Variants in ASH1L observed in about 807,000 individuals in gnomAD.
ASH1L encodes the protein histone-lysine N-methyltransferase ASH1L.
A neutral mutation model predicts 269.0 loss-of-function variants in ASH1L; 23 were observed. The observed-to-expected ratio is 0.09, with a 90% confidence interval of 0.06 to 0.12. The LOEUF (loss-of-function observed/expected upper bound fraction) is 0.12. ASH1L is among the 10% of genes least tolerant of loss of function. ASH1L has a pLI of 1.00. For synonymous variants in ASH1L, 1,187 were observed against 1,253.5 expected (o/e 0.95, Z 1.12); for missense variants, 2,912 against 3,567.8 (o/e 0.82, Z 4.68).
rs1381244571 is a variant in ASH1L, at chr1:155,352,290, T to G, written c.7366+416A>C. 4.3e-5 allele frequency among the ~76,000 whole-genome samples: 4 copies of G among 92,262 alleles called. No homozygotes were observed. The East Asian group carries it at 1.4e-3, about 33-fold the overall frequency. The allele number at this position is 92,262 out of a possible 152,430, so 60.5% of individuals were successfully genotyped here. On this transcript the variant is annotated intron_variant, in intron 17 of 27. Coordinates refer to ENST00000392403, the MANE Select transcript of ASH1L (RefSeq NM_018489.3). ...CCAGCCTGGGCAACATAGCGAGACC[T>G]CCATCTCAAAAAAAAAAAAAAAAAA...
chr1:155,434,829 C>T (rs187677605), intron 5 of ASH1L, among the ~76,000 whole-genome samples: 1 of 149,972 alleles, frequency 6.7e-6, no homozygotes, highest in African/African-American at 2.5e-5. Flanking sequence ...CCAGCCTGGG[C>T]GACAGAGCGA....
At position 155,479,908 on chromosome 1, in the gene ASH1L, T is replaced by C. The variant is rs1415457603; in HGVS notation, c.2962A>G (p.Lys988Glu). Residue 988 changes from lysine (K) to glutamate (E), a missense_variant, in exon 3 of 28, where the codon AAA (lysine) becomes GAA (glutamate). By Grantham distance (56) the Lys-to-Glu change is moderately conservative. Around this residue, in one of 13 missense-constraint regions of ASH1L, gnomAD observed 715 missense variants for 721.0 expected, o/e 0.99. Coordinates refer to ENST00000392403, the MANE Select transcript of ASH1L (RefSeq NM_018489.3). ...TTCTTTCTCTTTAAAGTCTTCATTTTATTTATTTTGCGGATAATTGTTTTC... is the reference window on the plus strand; with the variant it reads ...TTCTTTCTCTTTAAAGTCTTCATTTCATTTATTTTGCGGATAATTGTTTTC... ...LMKTIIRKIN[K>E]MKTLKRKKLL... The C allele has an allele frequency of 6.2e-7, 1 of 1,613,512 alleles. No individual in the cohort carries two copies.
intron 2 of ASH1L, among the ~76,000 whole-genome samples, chr1:155,490,864 G>T (rs905436758): frequency 2.0e-5 from 3 of 151,454 alleles, no homozygotes; most frequent in Admixed American, 1.3e-4. Context: ...ATGGGAGGCT[G>T]AAGTGGAGAA....
At chr1:155,531,232 C>T (rs539839830) in intron 1 of ASH1L, among the ~76,000 whole-genome samples, 8 of 151,662 alleles carry the variant, frequency 5.3e-5, no homozygotes, top group Non-Finnish European at 1.2e-4. Flanking sequence ...CTTTTATATT[C>T]ATTACTCACA....
chr1:155,357,179 A>G (rs1654492903), intron 15 of ASH1L, 137 bp downstream of exon 15: 1 of 397,262 alleles, frequency 2.5e-6, no homozygotes, highest in Non-Finnish European at 4.6e-6. Flanking sequence ...TCTTCCATCC[A>G]GGTTCATAGA....
At chr1:155,509,851 A>G (rs1408744416) in intron 2 of ASH1L, among the ~76,000 whole-genome samples, 1 of 152,158 alleles carries the variant, frequency 6.6e-6, no homozygotes, top group Non-Finnish European at 1.5e-5. Flanking sequence ...AGCCATTTGG[A>G]AAGAGATAAA....
Position 155,480,943 on chromosome 1 carries a change from T to A in ASH1L, c.1927A>T (p.Ile643Phe). Residue 643 changes from isoleucine to phenylalanine, a missense_variant, in exon 3 of 28, where the codon ATT (isoleucine) becomes TTT (phenylalanine). Physicochemically the swap from Ile to Phe is conservative, Grantham distance 21. Coordinates refer to ENST00000392403, the MANE Select transcript of ASH1L (RefSeq NM_018489.3). ...VNDSKTTHID[I>F]PRISSSLGKK... ...CCAAGGGAAGAGCTTATTCTTGGAA[T>A]ATCTATATGGGTAGTTTTTGAATCA... 1 of 1,614,070 alleles carries A rather than the reference T, an allele frequency of 6.2e-7. No homozygotes were observed. Among genetic ancestry groups the A allele is most frequent in the South Asian group, 1.1e-5 (1 of 91,062 alleles).
chr1:155,528,905 T>C (rs900787577), intron 1 of ASH1L, among the ~76,000 whole-genome samples: 3 of 152,086 alleles, frequency 2.0e-5, no homozygotes, highest in East Asian at 1.9e-4. Context: ...TATGTGTCCA[T>C]GTGTTGTCAT....
At chr1:155,393,459 T>G (rs1456602800) in intron 7 of ASH1L, among the ~76,000 whole-genome samples, 9 of 152,196 alleles carry the variant, frequency 5.9e-5, no homozygotes, top group Non-Finnish European at 2.9e-5. Context: ...TTTCATACTA[T>G]GTGTTTAATG....
At chr1:155,427,817 G>A (rs1465751863) in intron 5 of ASH1L, among the ~76,000 whole-genome samples, 1 of 152,170 alleles carries the variant, frequency 6.6e-6, no homozygotes, top group Non-Finnish European at 1.5e-5. Context: ...GAGACCTGGT[G>A]GGAGGTGACT....
intron 15 of ASH1L, 96 bp downstream of exon 15, chr1:155,357,220 A>C: frequency 1.0e-6 from 1 of 960,084 alleles, no homozygotes; most frequent in South Asian, 1.6e-5. Context: ...AAGACAAAAG[A>C]AAGTGGATCA....
At chr1:155,551,845 G>A (rs752242245) in intron 1 of ASH1L, among the ~76,000 whole-genome samples, 20 of 150,858 alleles carry the variant, frequency 1.3e-4, no homozygotes, top group East Asian at 3.9e-4. Flanking sequence ...GCGTGGTGGC[G>A]GGCGCCTGTA....
In ASH1L at chr1:155,562,517, C is replaced by T; in HGVS notation, c.-464G>A. On this transcript the variant is annotated 5_prime_UTR_variant, in exon 1 of 28. Transcript: ENST00000392403. ...GGAGCGAAGGGCGCCTAGCGCCCCCCTCAACCTTCCACTCCTTCCTCCTTG... is the reference window on the plus strand; with the variant it reads ...GGAGCGAAGGGCGCCTAGCGCCCCCTTCAACCTTCCACTCCTTCCTCCTTG... 1 of 1,515,400 alleles carries T rather than the reference C, an allele frequency of 6.6e-7. No individual in the cohort carries two copies. Among genetic ancestry groups the T allele is most frequent in the Non-Finnish European group, 8.9e-7 (1 of 1,126,196 alleles). The allele number at this position is 1,515,400 out of a possible 1,614,324, so 93.9% of individuals were successfully genotyped here. A position where few individuals can be genotyped will look rare whatever the true frequency, so the allele number is the denominator to read the frequency against.
chr1:155,380,938 C>A (rs187411621), intron 7 of ASH1L, among the ~76,000 whole-genome samples: 63 of 151,924 alleles, frequency 4.1e-4, no homozygotes, highest in African/African-American at 1.5e-3. Flanking sequence ...CCGCACCTGG[C>A]CAAAAGAATG....
chr1:155,480,314 A>G lies in ASH1L; in HGVS notation c.2556T>C (p.Ser852=). ...PPKRTLKIPA[S]KVFSLQSKEE... is the part of the protein sequence containing the mutation. ...CCTTAGACTGTAAAGAAAACACTTT[A>G]GAAGCAGGGATTTTTAAAGTCCTTT... Residue 852 remains serine, a synonymous_variant, in exon 3 of 28, where the codon TCT becomes TCC. Coordinates refer to ENST00000392403, the MANE Select transcript of ASH1L (RefSeq NM_018489.3). The G allele has an allele frequency of 1.2e-6, 2 of 1,613,988 alleles. No homozygotes were observed. Among genetic ancestry groups the G allele is most frequent in the African/African-American group, 2.7e-5 (2 of 75,034 alleles).
chr1:155,506,565 C>T (rs1005918416), intron 2 of ASH1L, among the ~76,000 whole-genome samples: 29 of 151,774 alleles, frequency 1.9e-4, no homozygotes, highest in African/African-American at 5.6e-4. Context: ...GGCATGGTGG[C>T]GTGTGCCTGT....
chr1:155,504,353 T>C (rs1667688495), intron 2 of ASH1L, among the ~76,000 whole-genome samples: 2 of 152,142 alleles, frequency 1.3e-5, no homozygotes, highest in South Asian at 4.1e-4. Flanking sequence ...TTCCTAATAG[T>C]GGCAACTATT....
intron 2 of ASH1L, among the ~76,000 whole-genome samples, chr1:155,499,512 TAA>T (rs775128268): frequency 8.5e-5 from 13 of 152,244 alleles, no homozygotes; most frequent in Non-Finnish European, 1.5e-4. Flanking sequence ...CTTTCATCAT[TAA>T]GTTTCATCTT....
intron 2 of ASH1L, among the ~76,000 whole-genome samples, chr1:155,493,150 GTTTT>G (rs1052219174): frequency 6.6e-6 from 1 of 151,938 alleles, no homozygotes; most frequent in Non-Finnish European, 1.5e-5. Flanking sequence ...AATTCAGTGG[GTTTT>G]TTTTAACTAT....
Sources: allele counts gnomAD v4.1 joint callset (sites outside exome capture counted in the v4.1 genomes callset), GRCh38; gene constraint gnomAD v4.1.1; regional missense constraint gnomAD v4.1.1; transcripts MANE v1.5; gene names NCBI Gene and HGNC (gene_info 2026-07-23, HGNC 2026-07-21).